RAPGEF2: variants seen among roughly 807,000 people sequenced by gnomAD.
RAPGEF2 encodes the protein Rap guanine nucleotide exchange factor 2, also known as PDZ domain containing guanine nucleotide exchange factor (GEF) 1.
RAPGEF2 carries 54 observed loss-of-function variants against 186.7 expected under a neutral mutation model. That is an observed-to-expected ratio of 0.29 (90% CI 0.23 to 0.36). RAPGEF2 has a LOEUF of 0.36. RAPGEF2 is among the 10% of genes least tolerant of loss of function. The pLI, the probability that RAPGEF2 is intolerant of heterozygous loss-of-function variation, is 1.00. For synonymous variants in RAPGEF2, 712 were observed against 705.9 expected (o/e 1.01, Z -0.14); for missense variants, 1,532 against 2,045.0 (o/e 0.75, Z 4.84).
chr4:159,111,618 A>G (rs531308443), intron 1 of RAPGEF2, among the ~76,000 whole-genome samples: 1 of 152,336 alleles, frequency 6.6e-6, no homozygotes, highest in East Asian at 1.9e-4. Flanking sequence ...ACTTTCTTAG[A>G]AGCCAACAAT....
intron 3 of RAPGEF2, among the ~76,000 whole-genome samples, chr4:159,199,933 G>A (rs1749228591): frequency 6.6e-6 from 1 of 152,144 alleles, no homozygotes; most frequent in South Asian, 2.1e-4. Flanking sequence ...TAACCCATTA[G>A]TAGTTTCCAA....
chr4:159,213,638 G>A (rs541657678), intron 4 of RAPGEF2, among the ~76,000 whole-genome samples: 11 of 152,242 alleles, frequency 7.2e-5, no homozygotes, highest in Non-Finnish European at 5.9e-5. Context: ...CTCAGTTGAC[G>A]TTTAAGTCAG....
chr4:159,331,586 C>T, intron 14 of RAPGEF2, 44 bp from the exon 15 acceptor site: 1 of 1,609,838 alleles, frequency 6.2e-7, no homozygotes, highest in African/African-American at 1.3e-5. Flanking sequence ...TCATTTTATT[C>T]AGCCTGTTCT....
At chr4:159,192,204 C>T (rs367847480) in intron 2 of RAPGEF2, among the ~76,000 whole-genome samples, 1 of 152,200 alleles carries the variant, frequency 6.6e-6, no homozygotes, top group Non-Finnish European at 1.5e-5. Flanking sequence ...TCAAGACTCA[C>T]TGCTGCCTCC....
chr4:159,246,663 A>G (rs185880279), intron 7 of RAPGEF2, among the ~76,000 whole-genome samples: 23 of 152,228 alleles, frequency 1.5e-4, no homozygotes, highest in Admixed American at 3.9e-4. Flanking sequence ...AGTTTCCGTG[A>G]TTGTGCACAT....
chr4:159,123,051 CT>C (rs1739889742), intron 1 of RAPGEF2, among the ~76,000 whole-genome samples: 1 of 152,056 alleles, frequency 6.6e-6, no homozygotes, highest in South Asian at 2.1e-4. Flanking sequence ...TGACATTTTC[CT>C]TTCTTTAGCT....
intron 7 of RAPGEF2, among the ~76,000 whole-genome samples, chr4:159,262,702 A>G (rs996346842): frequency 1.3e-5 from 2 of 152,136 alleles, no homozygotes; most frequent in African/African-American, 4.8e-5. Context: ...CCCTTCTAAC[A>G]TGCTCCATGT....
intron 9 of RAPGEF2, among the ~76,000 whole-genome samples, chr4:159,319,420 C>T (rs889638255): frequency 1.3e-5 from 2 of 152,050 alleles, no homozygotes; most frequent in Non-Finnish European, 2.9e-5. Context: ...AACTATCCCC[C>T]CGCACCCACC....
chr4:159,295,943 A>T (rs1185802121), intron 7 of RAPGEF2, among the ~76,000 whole-genome samples: 1 of 152,152 alleles, frequency 6.6e-6, no homozygotes, highest in Non-Finnish European at 1.5e-5. Context: ...GTATTTTTCC[A>T]TAAGGAAAAT....
chr4:159,158,377 T>C (rs1453357641), intron 1 of RAPGEF2, among the ~76,000 whole-genome samples: 10 of 152,180 alleles, frequency 6.6e-5, no homozygotes, highest in Admixed American at 6.5e-4. Flanking sequence ...GGCTCTCCTT[T>C]TTGTGTCTTG....
intron 4 of RAPGEF2, among the ~76,000 whole-genome samples, chr4:159,215,099 G>A (rs889865339): frequency 1.3e-5 from 2 of 152,204 alleles, no homozygotes; most frequent in Admixed American, 1.3e-4. Context: ...CTGACCTCAA[G>A]TGATCCTCCC....
At chr4:159,198,481 T>C (rs1432237476) in intron 3 of RAPGEF2, among the ~76,000 whole-genome samples, 3 of 151,484 alleles carry the variant, frequency 2.0e-5, no homozygotes, top group African/African-American at 7.3e-5. Context: ...AGTCTAGCTC[T>C]GTTACCCAGG....
intron 1 of RAPGEF2, chr4:159,128,796 A>G (rs1241836653): frequency 6.7e-6 from 1 of 149,606 alleles, no homozygotes; most frequent in Non-Finnish European, 1.5e-5. Context: ...AAGCTGAACC[A>G]AAAGTTCTTC....
At chr4:159,312,009 A>G (rs1202034498) in intron 8 of RAPGEF2, among the ~76,000 whole-genome samples, 3 of 152,184 alleles carry the variant, frequency 2.0e-5, no homozygotes, top group Non-Finnish European at 2.9e-5. Flanking sequence ...GATCTTTTAA[A>G]TAAAGTGGAA....
intron 7 of RAPGEF2, among the ~76,000 whole-genome samples, chr4:159,262,038 C>CGA (rs1159539604): frequency 2.0e-5 from 3 of 152,162 alleles, no homozygotes; most frequent in Non-Finnish European, 4.4e-5. Flanking sequence ...TTTATAATTA[C>CGA]TCACCCATCC....
intron 7 of RAPGEF2, among the ~76,000 whole-genome samples, chr4:159,254,068 C>T (rs916583856): frequency 6.6e-6 from 1 of 152,228 alleles, no homozygotes; most frequent in African/African-American, 2.4e-5. Flanking sequence ...GCAAACTTCT[C>T]GCTTCATCAT....
intron 9 of RAPGEF2, among the ~76,000 whole-genome samples, chr4:159,315,785 G>T (rs1333096642): frequency 6.6e-6 from 1 of 152,182 alleles, no homozygotes; most frequent in Non-Finnish European, 1.5e-5. Context: ...GAGACTTTTA[G>T]TACTTTCACT....
Position 159,104,228 on chromosome 4 carries a change from C to G in RAPGEF2, c.66C>G (p.Pro22=). The change falls in exon 1 of 30, where the codon CCC becomes CCG. Residue 22 remains proline, a synonymous_variant. Transcript: ENST00000691494. ...TGAAGAATCCCCCCGAAAGGACCCC[C>G]CAGGTGAGAACGCGGCGGCCGCCTG... ...AVMKNPPERT[P]QDLEIVYSYL... 2 of 1,184,724 alleles carry G rather than the reference C, an allele frequency of 1.7e-6. No individual in the cohort carries two copies. The highest frequency in any genetic ancestry group is 2.1e-6 in the Non-Finnish European group (2 of 931,046). The allele number at this position is 1,184,724 out of a possible 1,614,324, so 73.4% of individuals were successfully genotyped here. A position where few individuals can be genotyped will look rare whatever the true frequency, so the allele number is the denominator to read the frequency against.
intron 1 of RAPGEF2, among the ~76,000 whole-genome samples, chr4:159,149,952 G>A (rs1561014279): frequency 1.3e-5 from 2 of 152,164 alleles, no homozygotes; most frequent in South Asian, 2.1e-4. Context: ...AACAGGCACA[G>A]GTGGAGGTTG....
Sources: allele counts gnomAD v4.1 joint callset (sites outside exome capture counted in the v4.1 genomes callset), GRCh38; gene constraint gnomAD v4.1.1; transcripts MANE v1.5; gene names NCBI Gene and HGNC (gene_info 2026-07-23, HGNC 2026-07-21).